Variants in ACSS3 observed in about 807,000 individuals in gnomAD.
ACSS3 encodes the protein acyl-CoA synthetase short chain family member 3.
ACSS3 carries 64 observed loss-of-function variants against 84.2 expected under a neutral mutation model. The observed-to-expected ratio is 0.76, with a 90% confidence interval of 0.62 to 0.94. ACSS3 has a LOEUF of 0.94. Ranked by LOEUF, ACSS3 falls within the 40% of genes least tolerant of loss-of-function variation. The pLI, the probability that ACSS3 is intolerant of heterozygous loss-of-function variation, is 0.00. For missense variants in ACSS3, 815 were observed against 867.6 expected (o/e 0.94, Z 0.76); for synonymous variants, 317 against 310.1 (o/e 1.02, Z -0.23).
In ACSS3 at chr12:81,199,701, T is replaced by C. The variant is rs1189240284; in HGVS notation, c.1354+257T>C. On this transcript the variant is annotated intron_variant, in intron 9 of 15. Transcript: ENST00000548058. ...ACCTCTTTATCTTCTCTTCTTTGTT[T>C]CTTATATCTGGTAAGTTACTAAGTC... 2.2e-6 allele frequency: 3 copies of C among 1,387,146 alleles called. No individual in the cohort carries two copies. The Admixed American group carries it at 6.4e-5, about 30-fold the overall frequency. 85.9% of individuals were successfully genotyped at this position (1,387,146 alleles called of 1,614,324 possible).
At chr12:81,181,739 C>A (rs1158489853) in intron 8 of ACSS3, among the ~76,000 whole-genome samples, 20 of 24,554 alleles carry the variant, frequency 8.1e-4, no homozygotes, top group South Asian at 5.4e-3. Context: ...AGATTTCAAT[C>A]AATTAAGCAA....
At chr12:81,130,930 A>T (rs1885454697) in intron 2 of ACSS3, among the ~76,000 whole-genome samples, 1 of 152,050 alleles carries the variant, frequency 6.6e-6, no homozygotes, top group Admixed American at 6.6e-5. Flanking sequence ...CAAAGATTGG[A>T]TGGTTGTAGA....
intron 4 of ACSS3, among the ~76,000 whole-genome samples, chr12:81,139,826 G>A (rs1034557872): frequency 2.0e-5 from 3 of 151,606 alleles, no homozygotes; most frequent in Admixed American, 1.3e-4. Flanking sequence ...TAGTAGAGAC[G>A]GGGTTTCACC....
chr12:81,199,369 C>A lies in ACSS3; in HGVS notation c.1279C>A (p.Arg427=), dbSNP rs774448807. 6.2e-7 allele frequency: 1 copy of A among 1,613,304 alleles called. No homozygotes were observed. The highest frequency in any genetic ancestry group is 8.5e-7 in the Non-Finnish European group (1 of 1,179,624). The stretch of plus-strand genomic sequence containing the variant: ...CAAAACATTATTTGTGGCTGGAGAA[C>A]GATGTGATGTAGAGACCCTGGAATG... ...RFKTLFVAGE[R]CDVETLEWSK... Residue 427 remains arginine, a synonymous_variant, in exon 9 of 16, where the codon CGA becomes AGA. Transcript: ENST00000548058.
chr12:81,142,571 G>C (rs1886142652), intron 4 of ACSS3, among the ~76,000 whole-genome samples: 1 of 152,036 alleles, frequency 6.6e-6, no homozygotes, highest in Non-Finnish European at 1.5e-5. Flanking sequence ...TCTTCAAAAA[G>C]GAATAGTAGA....
rs967603650 is a variant in ACSS3, at chr12:81,260,014, T to G, written c.*5092T>G. The G allele has an allele frequency of 5.6e-6, 1 of 179,148 alleles. No homozygotes were observed. Among genetic ancestry groups the G allele is most frequent in the Non-Finnish European group, 1.2e-5 (1 of 86,082 alleles). The allele number at this position is 179,148 out of a possible 1,614,324, so 11.1% of individuals were successfully genotyped here. A position where few individuals can be genotyped will look rare whatever the true frequency, so the allele number is the denominator to read the frequency against. On this transcript the variant is annotated 3_prime_UTR_variant, in exon 16 of 16. Coordinates refer to ENST00000548058, the MANE Select transcript of ACSS3 (RefSeq NM_024560.4). ...CCTATTTCATAATGTAGATTTATAT[T>G]CTAGTTCATATATTTTAGAGTTCTT...
At chr12:81,102,554 G>T (rs756445736) in intron 1 of ACSS3, among the ~76,000 whole-genome samples, 2 of 152,104 alleles carry the variant, frequency 1.3e-5, no homozygotes, top group African/African-American at 2.4e-5. Flanking sequence ...CACGTGCAGT[G>T]GCTCACGCCT....
At chr12:81,228,435 C>G (rs2033342313) in intron 11 of ACSS3, among the ~76,000 whole-genome samples, 4 of 151,738 alleles carry the variant, frequency 2.6e-5, no homozygotes, top group Admixed American at 1.3e-4. Context: ...TTTTGTGCAA[C>G]AGCTCTGGAA....
chr12:81,207,922 G>C (rs981958177), intron 9 of ACSS3, among the ~76,000 whole-genome samples: 6 of 152,108 alleles, frequency 3.9e-5, no homozygotes, highest in Non-Finnish European at 1.5e-5. Flanking sequence ...GATAAGACCA[G>C]TGTCTCATAG....
At position 81,139,186 on chromosome 12, in the gene ACSS3, A is replaced by G. The variant is rs1446264332; in HGVS notation, c.701A>G (p.Tyr234Cys). 1.9e-6 allele frequency: 3 copies of G among 1,613,774 alleles called. No homozygotes were observed. Among genetic ancestry groups the G allele is most frequent in the Non-Finnish European group, 2.5e-6 (3 of 1,179,826 alleles). The change falls in exon 4 of 16, where the codon TAC becomes TGC. Residue 234 changes from tyrosine to cysteine, a missense_variant. Transcript: ENST00000548058. ...ATTGAACCTGGAAGGAGGGTAGAGT[A>G]CGTACCACTTGTAGAAGAAGCGCTA... Reference protein sequence around the residue: ...FGIEPGRRVEYVPLVEEALKI... With the variant: ...FGIEPGRRVECVPLVEEALKI...
At chr12:81,152,433 C>T (rs1886657856) in intron 7 of ACSS3, among the ~76,000 whole-genome samples, 1 of 152,042 alleles carries the variant, frequency 6.6e-6, no homozygotes, top group South Asian at 2.1e-4. Context: ...GTAGATTCAC[C>T]TTTTTTATTT....
At chr12:81,162,209 A>G (rs1364985393) in intron 7 of ACSS3, among the ~76,000 whole-genome samples, 1 of 152,166 alleles carries the variant, frequency 6.6e-6, no homozygotes, top group Non-Finnish European at 1.5e-5. Flanking sequence ...GCTTTAATTG[A>G]GCAACAGTAC....
intron 3 of ACSS3, among the ~76,000 whole-genome samples, chr12:81,137,608 C>G (rs1187979262): frequency 4.6e-5 from 7 of 152,140 alleles, no homozygotes; most frequent in Non-Finnish European, 2.9e-5. Context: ...TCAGTCTAGA[C>G]TCAATAAGAT....
At chr12:81,245,252 G>A (rs1160476349) in intron 13 of ACSS3, among the ~76,000 whole-genome samples, 6 of 152,284 alleles carry the variant, frequency 3.9e-5, no homozygotes, top group South Asian at 4.1e-4. Flanking sequence ...ACGAGGTCAG[G>A]AGATCGAGAC....
intron 9 of ACSS3, among the ~76,000 whole-genome samples, chr12:81,206,459 T>C (rs2032351320): frequency 6.6e-6 from 1 of 152,174 alleles, no homozygotes; most frequent in African/African-American, 2.4e-5. Flanking sequence ...TTTTTCACAA[T>C]TTAATGGTCA....
At chr12:81,142,490 G>C (rs116060169) in intron 4 of ACSS3, among the ~76,000 whole-genome samples, 1 of 152,286 alleles carries the variant, frequency 6.6e-6, no homozygotes, top group African/African-American at 2.4e-5. Flanking sequence ...AAGTTTACTA[G>C]AAGGAGGAAA....
chr12:81,131,251 A>G (rs147894287), intron 2 of ACSS3, among the ~76,000 whole-genome samples: 1 of 152,136 alleles, frequency 6.6e-6, no homozygotes, highest in Non-Finnish European at 1.5e-5. Flanking sequence ...AATTCTTCCC[A>G]TCCATGAGCA....
intron 1 of ACSS3, among the ~76,000 whole-genome samples, chr12:81,097,868 C>T (rs1882180501): frequency 6.6e-6 from 1 of 152,118 alleles, no homozygotes; most frequent in South Asian, 2.1e-4. Context: ...AAACTTGTCT[C>T]TACCTCAGTT....
At chr12:81,149,927 C>T (rs932085336) in intron 5 of ACSS3, among the ~76,000 whole-genome samples, 1 of 151,824 alleles carries the variant, frequency 6.6e-6, no homozygotes, top group Non-Finnish European at 1.5e-5. Flanking sequence ...TTTTAAGTCT[C>T]TTTTTTTTGG....
Sources: allele counts gnomAD v4.1 joint callset (sites outside exome capture counted in the v4.1 genomes callset), GRCh38; gene constraint gnomAD v4.1.1; transcripts MANE v1.5; gene names NCBI Gene and HGNC (gene_info 2026-07-23, HGNC 2026-07-21).